HSD17B12: variants seen among roughly 807,000 people sequenced by gnomAD.
HSD17B12 encodes the protein very-long-chain 3-oxoacyl-CoA reductase.
Under a neutral mutation model 39.3 loss-of-function variants are expected in HSD17B12, and 32 were observed. That is an observed-to-expected ratio of 0.81 (90% CI 0.61 to 1.09). The LOEUF is 1.09. HSD17B12 is among the 50% of genes least tolerant of loss of function. The pLI is 0.00. For missense variants in HSD17B12, 342 were observed against 382.9 expected, an observed-to-expected ratio of 0.89 and a Z score of 0.89; for synonymous variants, 150 against 146.7, an observed-to-expected ratio of 1.02 and a Z score of -0.16.
chr11:43,830,864 G>A, intron 6 of HSD17B12, 112 bp from the exon 7 acceptor site: 1 of 798,694 alleles, frequency 1.3e-6, no homozygotes, highest in Non-Finnish European at 2.1e-6. Flanking sequence ...GTCTGTAGAA[G>A]TGGTGAATGG....
intron 3 of HSD17B12, among the ~76,000 whole-genome samples, chr11:43,782,706 C>G (rs1950778138): frequency 6.6e-6 from 1 of 151,550 alleles, no homozygotes; most frequent in Non-Finnish European, 1.5e-5. Flanking sequence ...AAGCATGAGC[C>G]CATTGTAATT....
chr11:43,751,966 A>G (rs1333093149), intron 2 of HSD17B12, among the ~76,000 whole-genome samples: 5 of 152,158 alleles, frequency 3.3e-5, no homozygotes, highest in African/African-American at 7.2e-5. Flanking sequence ...GGTTGCCCCA[A>G]TACATCCTTT....
the HSD17B12 span, among the ~76,000 whole-genome samples, chr11:43,659,293 C>A: frequency 2.6e-5 from 4 of 152,206 alleles, no homozygotes; most frequent in Non-Finnish European, 4.4e-5. Flanking sequence ...CCATCTGTCA[C>A]CCCTTTCTTT....
the HSD17B12 span, among the ~76,000 whole-genome samples, chr11:43,558,370 C>T: frequency 5.5e-4 from 84 of 152,220 alleles, no homozygotes; most frequent in Middle Eastern, 3.4e-3. Context: ...GAAAATCCAG[C>T]GCCTGGTGTT....
chr11:43,798,956 A>T (rs772918603), intron 4 of HSD17B12, among the ~76,000 whole-genome samples: 1 of 152,136 alleles, frequency 6.6e-6, no homozygotes, highest in Non-Finnish European at 1.5e-5. Flanking sequence ...TTTTCTCCCC[A>T]GTATTTTTGA....
At chr11:43,694,746 T>TG (rs1482496531) in intron 1 of HSD17B12, among the ~76,000 whole-genome samples, 1 of 152,188 alleles carries the variant, frequency 6.6e-6, no homozygotes, top group Non-Finnish European at 1.5e-5. Flanking sequence ...CAAATTCATC[T>TG]GGATCATATG....
chr11:43,622,472 T>G, the HSD17B12 span, among the ~76,000 whole-genome samples: 3 of 152,190 alleles, frequency 2.0e-5, no homozygotes, highest in Non-Finnish European at 4.4e-5. Flanking sequence ...AATTTTTTAC[T>G]TAAAAAAACA....
At chr11:43,594,996 T>C in the HSD17B12 span, among the ~76,000 whole-genome samples, 1 of 152,246 alleles carries the variant, frequency 6.6e-6, no homozygotes, top group African/African-American at 2.4e-5. Flanking sequence ...CCCATTATTA[T>C]GTGGCCTTGG....
intron 1 of HSD17B12, among the ~76,000 whole-genome samples, chr11:43,723,109 T>C (rs1447008062): frequency 6.6e-6 from 1 of 152,126 alleles, no homozygotes; most frequent in East Asian, 1.9e-4. Flanking sequence ...ATTTTTACTA[T>C]TAAAAAAAGG....
the HSD17B12 span, among the ~76,000 whole-genome samples, chr11:43,621,898 T>C: frequency 6.6e-6 from 1 of 152,198 alleles, no homozygotes; most frequent in Non-Finnish European, 1.5e-5. Context: ...TCATTTACTT[T>C]TACAGCAAAA....
intron 4 of HSD17B12, among the ~76,000 whole-genome samples, chr11:43,810,402 T>TATATATATATATAA (rs1243655702): frequency 1.4e-5 from 1 of 70,158 alleles, no homozygotes; most frequent in African/African-American, 6.2e-5. Flanking sequence ...TATATATATA[T>TATATATATATATAA]AAAATTCAGA....
chr11:43,756,230 T>TA (rs1320163376), intron 3 of HSD17B12, among the ~76,000 whole-genome samples: 1 of 151,694 alleles, frequency 6.6e-6, no homozygotes, highest in Non-Finnish European at 1.5e-5. Flanking sequence ...TTTTTTTTTT[T>TA]AATTATTTTA....
At chr11:43,585,534 A>C in the HSD17B12 span, among the ~76,000 whole-genome samples, 1 of 152,230 alleles carries the variant, frequency 6.6e-6, no homozygotes, top group African/African-American at 2.4e-5. Flanking sequence ...TTGCTATGTT[A>C]ATTAAATGAC....
At chr11:43,633,928 C>G in the HSD17B12 span, among the ~76,000 whole-genome samples, 8,756 of 151,316 alleles carry the variant, frequency 0.058, 851 homozygotes, top group African/African-American at 0.2. Context: ...TGCAAAATTA[C>G]CCAGGCATGG....
At chr11:43,645,298 A>G in the HSD17B12 span, 1 of 152,248 alleles carries the variant, frequency 6.6e-6, no homozygotes, top group Non-Finnish European at 1.5e-5. Context: ...GTACTGCTCC[A>G]TAAATTCCGC....
At chr11:43,564,811 T>C in the HSD17B12 span, among the ~76,000 whole-genome samples, 1 of 152,100 alleles carries the variant, frequency 6.6e-6, no homozygotes, top group South Asian at 2.1e-4. Flanking sequence ...ATTCCATTAA[T>C]GAAAACATTT....
At chr11:43,734,443 AG>A in intron 1 of HSD17B12, 1 of 732,774 alleles carries the variant, frequency 1.4e-6, no homozygotes, top group Non-Finnish European at 2.5e-6. Context: ...TGGCCACCGC[AG>A]GGGACAGCCT....
rs1215288021 is a variant in HSD17B12 at position 43,831,165 on chromosome 11, C to T, written c.536+155C>T. On this transcript the variant is annotated intron_variant, in intron 7 of 10. Transcript: ENST00000278353. This position sits in a 1 kb window ranked among gnomAD's most constrained non-coding sequence, Gnocchi z 4.1. ...ATGTACCAGGCGAGTCACAGTAGAG[C>T]ATGAGTCATCGGTGGTGGAGGCCTT... The T allele has an allele frequency of 5.3e-6, 3 of 564,212 alleles. No homozygotes were observed. Among genetic ancestry groups the T allele is most frequent in the Non-Finnish European group, 9.2e-6 (3 of 327,794 alleles). The allele number at this position is 564,212 out of a possible 1,614,324, so 35.0% of individuals were successfully genotyped here.
chr11:43,811,168 T>G (rs1388615014), intron 4 of HSD17B12, among the ~76,000 whole-genome samples: 1 of 152,230 alleles, frequency 6.6e-6, no homozygotes, highest in Non-Finnish European at 1.5e-5. Flanking sequence ...ACCTGACGTC[T>G]CAAAATAAAA....
Sources: gnomAD v4.1 joint callset for allele counts (sites outside exome capture counted in the v4.1 genomes callset) on GRCh38, gnomAD v4.1.1 for gene constraint, Gnocchi (gnomAD v3.1) non-coding constraint, MANE v1.5 for transcripts, NCBI Gene and HGNC (gene_info 2026-07-23, HGNC 2026-07-21) for gene names.